The following CLTCL1 variants were observed in gnomAD, a reference collection of about 807,000 sequenced individuals.
CLTCL1 encodes clathrin heavy chain like 1, also known as clathrin heavy chain 2.
CLTCL1 carries 159 observed loss-of-function variants against 190.0 expected under a neutral mutation model. The ratio of observed to expected loss-of-function variants is 0.84; its 90% confidence interval spans 0.74 to 0.95. CLTCL1 has a LOEUF of 0.95. CLTCL1 is among the 40% of genes least tolerant of loss of function. The probability of loss-of-function intolerance (pLI) is 0.00; values close to 1 mark genes in which losing one functional copy is unlikely to be tolerated. For synonymous variants in CLTCL1, 752 were observed against 769.6 expected, an observed-to-expected ratio of 0.98 and a Z score of 0.38; for missense variants, 1,878 against 2,033.4, an observed-to-expected ratio of 0.92 and a Z score of 1.47.
intron 3 of CLTCL1, among the ~76,000 whole-genome samples, chr22:19,245,381 A>G (rs1000236304): frequency 5.3e-5 from 8 of 151,714 alleles, no homozygotes; most frequent in Admixed American, 5.3e-4. Flanking sequence ...TTTAATAGAG[A>G]GGGGGTTTCA....
rs530354733 is a variant in CLTCL1, at chr22:19,263,259, A to ATTTT, written c.251-9036_251-9033dup. Among the ~76,000 whole-genome samples the ATTTT allele has an allele frequency of 4.4e-5, 6 of 135,696 alleles. No homozygotes were observed. In the East Asian group the frequency reaches 1.3e-3, roughly 29 times the overall value. The allele number at this position is 135,696 out of a possible 152,430, so 89.0% of individuals were successfully genotyped here. A position where few individuals can be genotyped will look rare whatever the true frequency, so the allele number is the denominator to read the frequency against. ...ACAGGCGTGCACCACCACACCCAGA[A>ATTTT]TTTTTTTTTTTTTTTTTTGAGCTAA... On this transcript the variant is annotated intron_variant, in intron 2 of 32. Coordinates refer to ENST00000427926, the MANE Select transcript of CLTCL1 (RefSeq NM_007098.4).
intron 1 of CLTCL1, among the ~76,000 whole-genome samples, 169 bp downstream of exon 1, chr22:19,291,431 C>A (rs11704438): frequency 0.069 from 10,561 of 152,204 alleles, 436 homozygotes; most frequent in Middle Eastern, 0.16. Context: ...TCCTCAGGAG[C>A]GGCCGCCGCG....
In CLTCL1 at chr22:19,183,535, C is replaced by T. The variant is rs781833095; in HGVS notation, c.4682G>A (p.Gly1561Asp). 1.2e-6 allele frequency: 2 copies of T among 1,613,824 alleles called. No homozygotes were observed. The highest frequency in any genetic ancestry group is 2.2e-5 in the South Asian group (2 of 91,086). ...QKLLQWFLEE[G>D]KRECFAACLF... is the part of the protein sequence containing the mutation. ...ACAAGCTGCGAAGCACTCCCTCTTG[C>T]CTTCCTCCAGGAACCACTGCAGCAA... is the stretch of plus-strand genomic sequence containing the variant. Residue 1561 changes from glycine to aspartate, a missense_variant, in exon 30 of 33, where the codon GGC (glycine) becomes GAC (aspartate). By Grantham distance (94) the Gly-to-Asp change is moderately conservative. Coordinates refer to ENST00000427926, the MANE Select transcript of CLTCL1 (RefSeq NM_007098.4).
chr22:19,258,605 C>A, intron 2 of CLTCL1: 1 of 620,952 alleles, frequency 1.6e-6, no homozygotes, highest in Non-Finnish European at 3.0e-6. Flanking sequence ...CCCAGGAGTA[C>A]GAGGCCTGGA....
rs782091915 is a variant in CLTCL1 at position 19,233,160 on chromosome 22, C to T, written c.1521+6G>A. The T allele has an allele frequency of 3.4e-5, 54 of 1,610,162 alleles. 1 individual carries two copies. Among genetic ancestry groups the T allele is most frequent in the East Asian group, 2.5e-4 (11 of 44,782 alleles). ...TGTGAGATGCCAGTGGTTCAACACA[C>T]GTTACCTTTTTGGCATAGAGCACAA... On this transcript the variant is annotated splice_donor_region_variant and intron_variant, in intron 9 of 32. Transcript: ENST00000427926.
intron 26 of CLTCL1, among the ~76,000 whole-genome samples, chr22:19,193,271 G>A (rs782207866): frequency 8.5e-5 from 13 of 152,362 alleles, no homozygotes; most frequent in Middle Eastern, 3.4e-3. Context: ...CAGCATGGCC[G>A]GAATGCCGTT....
intron 6 of CLTCL1, 60 bp downstream of exon 6, chr22:19,235,636 T>C: frequency 6.6e-7 from 1 of 1,523,148 alleles, no homozygotes; most frequent in African/African-American, 1.4e-5. Flanking sequence ...AGGGGGAAAG[T>C]TTAAACGCCA....
At chr22:19,208,457 G>T in intron 21 of CLTCL1, 146 bp from the exon 22 acceptor site, 2 of 955,480 alleles carry the variant, frequency 2.1e-6, no homozygotes, top group Non-Finnish European at 1.5e-6. Context: ...CGTCTAGGAG[G>T]TCTTGATTAT....
chr22:19,253,013 CAAAAA>C (rs36070702), intron 3 of CLTCL1, among the ~76,000 whole-genome samples: 2 of 61,900 alleles, frequency 3.2e-5, no homozygotes, highest in African/African-American at 6.3e-5. Context: ...GACTCCGTCT[CAAAAA>C]AAAAAAAAAA....
chr22:19,187,913 G>A, intron 28 of CLTCL1, 68 bp downstream of exon 28: 1 of 1,503,912 alleles, frequency 6.6e-7, no homozygotes, highest in East Asian at 2.3e-5. Flanking sequence ...CCTGCTTTGA[G>A]AACAGAATGG....
intron 18 of CLTCL1, among the ~76,000 whole-genome samples, chr22:19,218,928 GAC>G (rs1452074584): frequency 6.6e-6 from 1 of 152,130 alleles, no homozygotes. Flanking sequence ...AGTCAGCTGA[GAC>G]AACCTTGAAA....
chr22:19,192,267 G>A (rs187722371), intron 26 of CLTCL1, among the ~76,000 whole-genome samples: 4 of 152,058 alleles, frequency 2.6e-5, no homozygotes, highest in African/African-American at 4.8e-5. Flanking sequence ...GGGTTTCACC[G>A]TGTTAGCCAG....
At chr22:19,226,873 G>C (rs2085762844) in intron 11 of CLTCL1, among the ~76,000 whole-genome samples, 1 of 152,028 alleles carries the variant, frequency 6.6e-6, no homozygotes, top group African/African-American at 2.4e-5. Flanking sequence ...AAGTAGCTGG[G>C]ATTACAGACG....
At chr22:19,271,012 T>C (rs1176129763) in intron 2 of CLTCL1, among the ~76,000 whole-genome samples, 1 of 152,042 alleles carries the variant, frequency 6.6e-6, no homozygotes, top group Non-Finnish European at 1.5e-5. Context: ...ACCAGCCTTC[T>C]TTGGGAAATA....
In CLTCL1 at chr22:19,207,884, A is replaced by G. The variant is rs1198325578; in HGVS notation, c.3600+270T>C. On this transcript the variant is annotated intron_variant, in intron 22 of 32. Coordinates refer to ENST00000427926, the MANE Select transcript of CLTCL1 (RefSeq NM_007098.4). The stretch of plus-strand genomic sequence containing the variant: ...AGATGGGACCATCTAGTTGCAGGAA[A>G]ATAAACTCAGGGCTCCCACTGAGTC... The G allele has an allele frequency of 7.9e-6, 5 of 636,772 alleles. No individual in the cohort carries two copies. The Admixed American group carries it at 9.1e-5, about 12-fold the overall frequency. 39.4% of individuals were successfully genotyped at this position (636,772 alleles called of 1,614,324 possible).
At chr22:19,245,183 C>T (rs1355418256) in intron 3 of CLTCL1, among the ~76,000 whole-genome samples, 10 of 150,074 alleles carry the variant, frequency 6.7e-5, no homozygotes, top group Non-Finnish European at 1.0e-4. Context: ...CCCTCTCCCC[C>T]TCCTTTTTTT....
chr22:19,291,638 C>A lies in CLTCL1; in HGVS notation c.4G>T (p.Ala2Ser). 7.1e-7 allele frequency: 1 copy of A among 1,400,294 alleles called. No homozygotes were observed. Among genetic ancestry groups the A allele is most frequent in the Non-Finnish European group, 9.4e-7 (1 of 1,063,012 alleles). The allele number at this position is 1,400,294 out of a possible 1,614,324, so 86.7% of individuals were successfully genotyped here. A position where few individuals can be genotyped will look rare whatever the true frequency, so the allele number is the denominator to read the frequency against. The change falls in exon 1 of 33, where the codon GCG (alanine) becomes TCG (serine). Residue 2 changes from alanine (A) to serine (S), a missense_variant. Physicochemically the swap from Ala to Ser is moderately conservative, Grantham distance 99 (BLOSUM62 1). Transcript: ENST00000427926. The stretch of plus-strand genomic sequence containing the variant: ...TGAAAGCGAACAGGGAGGATCTGCG[C>A]CATGGCTGGTGCGGGACCTCGGCGG... MAQILPVRFQEH... is the reference protein window; with the variant it reads MSQILPVRFQEH...
chr22:19,203,551 C>T (rs1555941117), intron 22 of CLTCL1, among the ~76,000 whole-genome samples: 2 of 152,270 alleles, frequency 1.3e-5, no homozygotes, highest in East Asian at 3.9e-4. Flanking sequence ...TTTCTGGACA[C>T]CCCTGCCTGC....
chr22:19,231,213 A>G (rs1031856752), intron 10 of CLTCL1, among the ~76,000 whole-genome samples: 2 of 152,188 alleles, frequency 1.3e-5, no homozygotes, highest in South Asian at 4.1e-4. Context: ...TCACGAGCCA[A>G]TTCTCCTAAT....
Sources: gnomAD v4.1 joint callset for allele counts (sites outside exome capture counted in the v4.1 genomes callset) on GRCh38, gnomAD v4.1.1 for gene constraint, MANE v1.5 for transcripts, NCBI Gene and HGNC (gene_info 2026-07-23, HGNC 2026-07-21) for gene names.